The following KLRF2 variants were observed in gnomAD, a reference collection of about 807,000 sequenced individuals.
The protein encoded by KLRF2 is killer cell lectin like receptor F2.
KLRF2 carries 28 observed loss-of-function variants against 25.3 expected under a neutral mutation model. That is an observed-to-expected ratio of 1.11 (90% CI 0.82 to 1.52). The LOEUF (loss-of-function observed/expected upper bound fraction) is 1.52. KLRF2 is among the 40% of genes most tolerant of loss of function. The pLI is 0.00. For synonymous variants in KLRF2, 73 were observed against 85.0 expected, an observed-to-expected ratio of 0.86 and a Z score of 0.78; for missense variants, 265 against 245.8, an observed-to-expected ratio of 1.08 and a Z score of -0.52.
intron 1 of KLRF2, among the ~76,000 whole-genome samples, chr12:9,883,152 AG>A (rs1293889468): frequency 6.6e-6 from 1 of 152,232 alleles, no homozygotes; most frequent in African/African-American, 2.4e-5. Context: ...TACTGACCTA[AG>A]GGAATTCTTA....
intron 3 of KLRF2, among the ~76,000 whole-genome samples, chr12:9,891,986 A>C (rs538578958): frequency 6.6e-6 from 1 of 152,222 alleles, no homozygotes; most frequent in Non-Finnish European, 1.5e-5. Context: ...TATATACAAA[A>C]TACTAAATGA....
chr12:9,892,352 G>C (rs1167865920), intron 3 of KLRF2, among the ~76,000 whole-genome samples: 1 of 152,186 alleles, frequency 6.6e-6, no homozygotes, highest in Non-Finnish European at 1.5e-5. Flanking sequence ...AGGTTGTAAA[G>C]ACAATCTTGA....
intron 3 of KLRF2, among the ~76,000 whole-genome samples, chr12:9,891,810 G>A (rs958103930): frequency 5.3e-5 from 8 of 152,028 alleles, no homozygotes; most frequent in African/African-American, 1.9e-4. Flanking sequence ...ACTTGCTCAG[G>A]TTACTTTTTT....
At chr12:9,888,632 A>G in intron 2 of KLRF2, 101 bp from the exon 3 acceptor site, 2 of 628,290 alleles carry the variant, frequency 3.2e-6, no homozygotes, top group Admixed American at 2.5e-5. Context: ...CACAATTTTT[A>G]TTAGTATGCC....
chr12:9,894,861 T>C (rs943415796), intron 5 of KLRF2, among the ~76,000 whole-genome samples: 1 of 152,030 alleles, frequency 6.6e-6, no homozygotes, highest in Non-Finnish European at 1.5e-5. Flanking sequence ...TTATAATTAA[T>C]ATTATTTTTT....
intron 5 of KLRF2, among the ~76,000 whole-genome samples, chr12:9,894,713 T>C (rs1031573035): frequency 9.2e-5 from 14 of 152,200 alleles, no homozygotes; most frequent in Non-Finnish European, 1.6e-4. Context: ...CAGATATTTA[T>C]CTACTCCTGG....
intron 1 of KLRF2, among the ~76,000 whole-genome samples, chr12:9,884,087 G>C (rs1000713742): frequency 1.3e-4 from 20 of 151,980 alleles, no homozygotes; most frequent in African/African-American, 4.8e-4. Flanking sequence ...GCATATAAAA[G>C]GAACCTGTCA....
intron 2 of KLRF2, among the ~76,000 whole-genome samples, 176 bp from the exon 3 acceptor site, chr12:9,888,557 A>C (rs1323660683): frequency 6.6e-6 from 1 of 152,198 alleles, no homozygotes; most frequent in Non-Finnish European, 1.5e-5. Flanking sequence ...GAGTAAAAAC[A>C]GATATGGCGA....
rs1263044450 is a variant in KLRF2, at chr12:9,893,556, G to T, written c.479+15G>T. On this transcript the variant is annotated intron_variant, in intron 5 of 5. Coordinates refer to ENST00000535540, the MANE Select transcript of KLRF2 (RefSeq NM_001190765.1). ...GTTCCAGAATTGTGAGTAGTTATTTGTAAGGGAGGGGTGCTAATGTTTATA... is the reference window on the plus strand; with the variant it reads ...GTTCCAGAATTGTGAGTAGTTATTTTTAAGGGAGGGGTGCTAATGTTTATA... 1 of 1,016,630 alleles carries T rather than the reference G, an allele frequency of 9.8e-7. No individual in the cohort carries two copies. The highest frequency in any genetic ancestry group is 1.5e-6 in the Non-Finnish European group (1 of 684,164). The allele number at this position is 1,016,630 out of a possible 1,614,324, so 63.0% of individuals were successfully genotyped here. A position where few individuals can be genotyped will look rare whatever the true frequency, so the allele number is the denominator to read the frequency against.
intron 1 of KLRF2, 72 bp downstream of exon 1, chr12:9,881,737 A>G (rs1868097064): frequency 9.3e-7 from 1 of 1,071,000 alleles, no homozygotes; most frequent in Non-Finnish European, 1.4e-6. Flanking sequence ...ATCTTAGAAT[A>G]TTTTTAACAT....
intron 1 of KLRF2, among the ~76,000 whole-genome samples, chr12:9,884,657 G>C (rs1868131142): frequency 6.7e-6 from 1 of 148,856 alleles, no homozygotes; most frequent in Non-Finnish European, 1.5e-5. Context: ...ATATGTATTT[G>C]TATGTATAAT....
chr12:9,893,375 G>T, intron 4 of KLRF2, 54 bp from the exon 5 acceptor site: 1 of 898,334 alleles, frequency 1.1e-6, no homozygotes, highest in Non-Finnish European at 1.7e-6. Context: ...ACTATAGAAG[G>T]CATCAAAATT....
rs1195426031 is a variant in KLRF2, at chr12:9,893,021, A to G, written c.219A>G (p.Gly73=). The G allele has an allele frequency of 2.0e-6, 3 of 1,533,922 alleles. No homozygotes were observed. Among genetic ancestry groups the G allele is most frequent in the Admixed American group, 3.9e-5 (2 of 50,902 alleles). Residue 73 remains glycine, a splice_region_variant and synonymous_variant, in exon 4 of 6, where the codon GGA becomes GGG. Coordinates refer to ENST00000535540, the MANE Select transcript of KLRF2 (RefSeq NM_001190765.1). ...ATTTTCCCCTATGTTTTCCTTTAGG[A>G]CACAATTACTTGTGCCCAAATGACT... ...SQNVNVSSLS[G]HNYLCPNDWL...
intron 5 of KLRF2, among the ~76,000 whole-genome samples, chr12:9,895,456 G>A (rs1225178379): frequency 6.6e-6 from 1 of 152,234 alleles, no homozygotes; most frequent in Non-Finnish European, 1.5e-5. Flanking sequence ...AGAGGTTTGA[G>A]AGGTAAGGAA....
chr12:9,892,877 C>G (rs1293216947), intron 3 of KLRF2, 143 bp from the exon 4 acceptor site: 1 of 627,690 alleles, frequency 1.6e-6, no homozygotes, highest in African/African-American at 1.9e-5. Flanking sequence ...AGCCACCGCG[C>G]CTGGTCTGAA....
rs1218158096 is a variant in KLRF2, at chr12:9,881,599, G to C, written c.4G>C (p.Glu2Gln). 2 of 1,531,268 alleles carry C rather than the reference G, an allele frequency of 1.3e-6. No individual in the cohort carries two copies. Among genetic ancestry groups the C allele is most frequent in the East Asian group, 4.9e-5 (2 of 40,834 alleles). 94.9% of individuals were successfully genotyped at this position (1,531,268 alleles called of 1,614,324 possible). Residue 2 changes from glutamate to glutamine, a missense_variant, in exon 1 of 6, where the codon GAG (glutamate) becomes CAG (glutamine). Physicochemically the swap from Glu to Gln is conservative, Grantham distance 29 (BLOSUM62 2). Transcript: ENST00000535540. The stretch of plus-strand genomic sequence containing the variant: ...AAGACATTAGACATTTGAAGAGATG[G>C]AGAATGAAGATGGGTATATGACGCT... MENEDGYMTLSF... is the reference protein window; with the variant it reads MQNEDGYMTLSF...
At chr12:9,888,417 G>T (rs1862628536) in intron 2 of KLRF2, among the ~76,000 whole-genome samples, 1 of 151,966 alleles carries the variant, frequency 6.6e-6, no homozygotes, top group Non-Finnish European at 1.5e-5. Flanking sequence ...GAGAACCTGG[G>T]AGTCGGAGCT....
Position 9,895,808 on chromosome 12 carries a change from C to G in KLRF2, c.599C>G (p.Thr200Arg). ...ATTTGCCAGAGAGATGCGATCTTGA[C>G]GCACAATGGAACCAGTGGTGTGTAA... Reference protein sequence around the residue: ...KGICQRDAILTHNGTSGV With the variant: ...KGICQRDAILRHNGTSGV The change falls in exon 6 of 6, where the codon ACG (threonine) becomes AGG (arginine). Residue 200 changes from threonine (T) to arginine (R), a missense_variant. By Grantham distance (71) the Thr-to-Arg change is moderately conservative. Coordinates refer to ENST00000535540, the MANE Select transcript of KLRF2 (RefSeq NM_001190765.1). The G allele has an allele frequency of 3.3e-6, 5 of 1,534,968 alleles. No homozygotes were observed. The highest frequency in any genetic ancestry group is 4.4e-6 in the Non-Finnish European group (5 of 1,146,470).
At chr12:9,885,054 AT>A in intron 2 of KLRF2, 22 bp downstream of exon 2, 1 of 910,816 alleles carries the variant, frequency 1.1e-6, no homozygotes, top group Non-Finnish European at 1.5e-6. Flanking sequence ...ATTTTTATTT[AT>A]TTGAACATTT....
Sources: gnomAD v4.1 joint callset for allele counts (sites outside exome capture counted in the v4.1 genomes callset) on GRCh38, gnomAD v4.1.1 for gene constraint, MANE v1.5 for transcripts, NCBI Gene and HGNC (gene_info 2026-07-23, HGNC 2026-07-21) for gene names.